The following PNPLA7 variants were observed in gnomAD, a reference collection of about 807,000 sequenced individuals.
PNPLA7 encodes patatin-like phospholipase domain-containing protein 7.
A neutral mutation model predicts 161.7 loss-of-function variants in PNPLA7; 153 were observed. The observed-to-expected ratio is 0.95, with a 90% CI of 0.83 to 1.08. PNPLA7 has a LOEUF of 1.08. PNPLA7 is among the 50% of genes least tolerant of loss of function. PNPLA7 has a pLI of 0.00. For missense variants in PNPLA7, 1,739 were observed against 1,856.6 expected (o/e 0.94, Z 1.16); for synonymous variants, 809 against 782.1 (o/e 1.03, Z -0.57).
At chr9:137,528,400 G>A (rs896030818) in intron 8 of PNPLA7, among the ~76,000 whole-genome samples, 11 of 149,528 alleles carry the variant, frequency 7.4e-5, no homozygotes, top group Admixed American at 2.0e-4. Context: ...TGGCACAGTC[G>A]TGGCTCACTG....
rs770724248 is a variant in PNPLA7 at position 137,461,535 on chromosome 9, C to T, written c.3841+1G>A. ...CGGCTTCGTCTTGCGCCTCCACTCA[C>T]CATCCACCATGGCGGGCTTGGCGGG... On this transcript the variant is annotated splice_donor_variant, in intron 33 of 34. Transcript: ENST00000406427. LOFTEE classifies it high-confidence loss of function. The T allele has an allele frequency of 1.2e-6, 2 of 1,611,806 alleles. No individual in the cohort carries two copies. The highest frequency in any genetic ancestry group is 2.2e-5 in the South Asian group (2 of 90,890).
Position 137,540,841 on chromosome 9 carries a change from G to A in PNPLA7, c.667-119C>T, listed in dbSNP as rs1055993279. ...CGGGCCTGCACCTCTGAGGCGCCAT[G>A]AGAGCAGCAGGCACCTTGGATGGAG... On this transcript the variant is annotated intron_variant, in intron 7 of 34. Transcript: ENST00000406427. The surrounding 1 kb of genome is among the most constrained non-coding windows in gnomAD (Gnocchi z 5.1). 1.3e-5 allele frequency: 11 copies of A among 826,598 alleles called. No homozygotes were observed. Among genetic ancestry groups the A allele is most frequent in the Non-Finnish European group, 2.0e-5 (10 of 506,918 alleles). 51.2% of individuals were successfully genotyped at this position (826,598 alleles called of 1,614,324 possible). A position where few individuals can be genotyped will look rare whatever the true frequency, so the allele number is the denominator to read the frequency against.
chr9:137,465,258 GAT>G (rs1260472105), intron 26 of PNPLA7, among the ~76,000 whole-genome samples: 1 of 152,200 alleles, frequency 6.6e-6, no homozygotes, highest in Non-Finnish European at 1.5e-5. Flanking sequence ...GGCTCACAGA[GAT>G]AAGCCAGACC....
intron 11 of PNPLA7, among the ~76,000 whole-genome samples, chr9:137,518,034 G>A (rs1356069722): frequency 1.0e-5 from 1 of 96,574 alleles, no homozygotes; most frequent in East Asian, 3.3e-4. Flanking sequence ...ACTCGACTCT[G>A]TCCACTCCAT....
rs113678431 is a variant in PNPLA7, at chr9:137,474,883, G to A, written c.2882+3151C>T. On this transcript the variant is annotated intron_variant, in intron 25 of 34. Transcript: ENST00000406427. The stretch of plus-strand genomic sequence containing the variant: ...AAAAAAAAAAAAAAATTAGCTGGGC[G>A]TGGTGGGGGCGCCTGTAGTCCCAGC... Among the ~76,000 whole-genome samples the A allele has an allele frequency of 8.6e-3, 1,293 of 150,372 alleles. 18 individuals are homozygous for A. The highest frequency in any genetic ancestry group is 0.03 in the African/African-American group (1,211 of 40,578).
In PNPLA7 at chr9:137,541,601, T is replaced by C. The variant is rs1363479972; in HGVS notation, c.667-879A>G. Reference sequence around the variant, plus strand: ...GCGTGCTTTAAATGAGAACAAGCAATGGGAAGTCTGGGTCGCAAACTGCCC... The same window carrying C: ...GCGTGCTTTAAATGAGAACAAGCAACGGGAAGTCTGGGTCGCAAACTGCCC... On this transcript the variant is annotated intron_variant, in intron 7 of 34. Coordinates refer to ENST00000406427, the MANE Select transcript of PNPLA7 (RefSeq NM_001098537.3). This position sits in a 1 kb window ranked among gnomAD's most constrained non-coding sequence, Gnocchi z 4.4. 2 of 567,622 alleles carry C rather than the reference T, an allele frequency of 3.5e-6. No individual in the cohort carries two copies. The highest frequency in any genetic ancestry group is 4.5e-6 in the Non-Finnish European group (2 of 448,062). The allele number at this position is 567,622 out of a possible 1,614,324, so 35.2% of individuals were successfully genotyped here.
chr9:137,504,176 AAGGAAGAAGGAAGAAGAAG>A (rs1405325421), intron 14 of PNPLA7, among the ~76,000 whole-genome samples: 11 of 146,086 alleles, frequency 7.5e-5, no homozygotes, highest in Non-Finnish European at 1.7e-4. Context: ...ACGGAAGAAG[AAGGAAGAAGGAAGAAGAAG>A]AGGAAGAAGA....
chr9:137,505,719 G>A lies in PNPLA7; in HGVS notation c.1368C>T (p.Val456=). 3.1e-6 allele frequency: 5 copies of A among 1,614,124 alleles called. No homozygotes were observed. Among genetic ancestry groups the A allele is most frequent in the Non-Finnish European group, 4.2e-6 (5 of 1,180,026 alleles). Residue 456 remains valine (V), a synonymous_variant, in exon 14 of 35, where the codon GTC becomes GTT. Coordinates refer to ENST00000406427, the MANE Select transcript of PNPLA7 (RefSeq NM_001098537.3). The part of the protein sequence containing the change: ...SVMVAEIPST[V]SQHSESHTDE... ...CCGTGTGACTCTCTGAGTGCTGGGAGACCGTGGAGGGTATCTCTGCAACCA... is the reference window on the plus strand; with the variant it reads ...CCGTGTGACTCTCTGAGTGCTGGGAAACCGTGGAGGGTATCTCTGCAACCA...
intron 4 of PNPLA7, among the ~76,000 whole-genome samples, chr9:137,546,038 TC>T (rs1039651020): frequency 4.6e-5 from 7 of 152,124 alleles, no homozygotes; most frequent in Non-Finnish European, 5.9e-5. Context: ...CCTAACCGTC[TC>T]CCTGTGATGC....
At chr9:137,506,429 C>A (rs1313147744) in intron 12 of PNPLA7, among the ~76,000 whole-genome samples, 1 of 152,246 alleles carries the variant, frequency 6.6e-6, no homozygotes, top group East Asian at 1.9e-4. Flanking sequence ...CACACCCTGA[C>A]GGCTCGCTGC....
chr9:137,501,626 GC>G lies in PNPLA7; in HGVS notation c.1551+23del, dbSNP rs137943045. The stretch of plus-strand genomic sequence containing the variant: ...GGCTATGGCATTGGGTGGTCCCAGT[GC>G]CCCCCCCCAGACCCCCGCTCACCTG... On this transcript the variant is annotated intron_variant, in intron 15 of 34. Transcript: ENST00000406427. 1.1e-3 allele frequency: 1,707 copies of G among 1,546,926 alleles called. 3 individuals are homozygous for G. Among genetic ancestry groups the G allele is most frequent in the African/African-American group, 7.3e-3 (535 of 72,998 alleles).
rs1374335943 is a variant in PNPLA7 at position 137,518,974 on chromosome 9, C to CTGCT, written c.1084+942_1084+943insAGCA. Among the ~76,000 whole-genome samples, 68 of 134,622 alleles carry CTGCT rather than the reference C, an allele frequency of 5.1e-4. 2 individuals are homozygous for CTGCT. Among genetic ancestry groups the CTGCT allele is most frequent in the Non-Finnish European group, 9.2e-4 (57 of 61,798 alleles). 88.3% of individuals were successfully genotyped at this position (134,622 alleles called of 152,430 possible). A position where few individuals can be genotyped will look rare whatever the true frequency, so the allele number is the denominator to read the frequency against. On this transcript the variant is annotated intron_variant, in intron 11 of 34. Coordinates refer to ENST00000406427, the MANE Select transcript of PNPLA7 (RefSeq NM_001098537.3). ...TCCTCACTCACTCACTCCACCCTAT[C>CTGCT]CACTCCATCCCCCACTCACTCACTC...
rs751548098 is a variant in PNPLA7 at position 137,505,998 on chromosome 9, G to A, written c.1311C>T (p.Ser437=). The change falls in exon 13 of 35, where the codon AGC becomes AGT. Residue 437 remains serine (S), a synonymous_variant. Coordinates refer to ENST00000406427, the MANE Select transcript of PNPLA7 (RefSeq NM_001098537.3). ...CAGGGCCTACCTTGCTGGCCACGGA[G>A]CTCCCGGGGTGCTCGTCCGAGTGCA... ...VFLHSDEHPG[S]SVASKSRKSV... 1 of 1,611,434 alleles carries A rather than the reference G, an allele frequency of 6.2e-7. No individual in the cohort carries two copies. The highest frequency in any genetic ancestry group is 2.2e-5 in the East Asian group (1 of 44,828).
At position 137,544,193 on chromosome 9, in the gene PNPLA7, C is replaced by T. The variant is rs150786745; in HGVS notation, c.274-378G>A. On this transcript the variant is annotated intron_variant, in intron 4 of 34. Coordinates refer to ENST00000406427, the MANE Select transcript of PNPLA7 (RefSeq NM_001098537.3). ...CCACTGTCCCCACCGACCTTCCCCC[C>T]CAACTTCCCCTCTGACCTGGGGCCA... 2.4e-3 allele frequency among the ~76,000 whole-genome samples: 359 copies of T among 152,386 alleles called. 2 individuals carry two copies. The highest frequency in any genetic ancestry group is 7.9e-3 in the African/African-American group (330 of 41,592).
chr9:137,460,574 C>G (rs1473868051), intron 34 of PNPLA7, 60 bp downstream of exon 34: 3 of 1,595,046 alleles, frequency 1.9e-6, no homozygotes, highest in Non-Finnish European at 2.6e-6. Flanking sequence ...GTGGCCGGCA[C>G]AGGGCCAGGC....
rs762551626 is a variant in PNPLA7, at chr9:137,524,682, C to T, written c.748-1825G>A. Among the ~76,000 whole-genome samples the T allele has an allele frequency of 5.2e-4, 79 of 152,202 alleles. No individual in the cohort carries two copies. Among genetic ancestry groups the T allele is most frequent in the Non-Finnish European group, 1.0e-3 (69 of 68,042 alleles). On this transcript the variant is annotated intron_variant, in intron 8 of 34. Transcript: ENST00000406427. The surrounding 1 kb of genome is among the most constrained non-coding windows in gnomAD (Gnocchi z 4.4). ...CTGCCGTGCTTTGCATTCTCACCAGCGGTGAGTGAGTTTCCATGGATGCCC... is the reference window on the plus strand; with the variant it reads ...CTGCCGTGCTTTGCATTCTCACCAGTGGTGAGTGAGTTTCCATGGATGCCC...
Position 137,468,014 on chromosome 9 carries a change from C to T in PNPLA7, c.2883-541G>A, listed in dbSNP as rs759098807. On this transcript the variant is annotated intron_variant, in intron 25 of 34. Coordinates refer to ENST00000406427, the MANE Select transcript of PNPLA7 (RefSeq NM_001098537.3). The surrounding 1 kb of genome is among the most constrained non-coding windows in gnomAD (Gnocchi z 4.0). ...GTCCTGAGAGTTGACCGGCATTGGCCTCTTCTACCCGGAAACACGGCTGCC... is the reference window on the plus strand; with the variant it reads ...GTCCTGAGAGTTGACCGGCATTGGCTTCTTCTACCCGGAAACACGGCTGCC... 6.6e-6 allele frequency among the ~76,000 whole-genome samples: 1 copy of T among 152,142 alleles called. No individual in the cohort carries two copies.
intron 8 of PNPLA7, among the ~76,000 whole-genome samples, chr9:137,527,138 G>A (rs565761140): frequency 3.0e-4 from 46 of 152,044 alleles, no homozygotes; most frequent in African/African-American, 9.9e-4. Flanking sequence ...GTGGTGGCAG[G>A]TGCCTGTAGT....
rs867636633 is a variant in PNPLA7 at position 137,460,452 on chromosome 9, G to A, written c.3970C>T (p.Arg1324Ter). The stretch of plus-strand genomic sequence containing the variant: ...TTTGGGAAAGCCAGACTGGGGTGTC[G>A]ATGCCGCAGTGAGGACTCGTCCTCC... ...DLEDESSLRH[R>*]HPSLAFPKLS... Residue 1324 changes from arginine (R) to a stop codon, truncating the protein, a stop_gained, in exon 35 of 35, where the codon CGA (arginine) becomes TGA (stop). Coordinates refer to ENST00000406427, the MANE Select transcript of PNPLA7 (RefSeq NM_001098537.3). LOFTEE classifies it low-confidence loss of function (END_TRUNC). 1 of 1,612,642 alleles carries A rather than the reference G, an allele frequency of 6.2e-7. No individual in the cohort carries two copies. Among genetic ancestry groups the A allele is most frequent in the Non-Finnish European group, 8.5e-7 (1 of 1,179,920 alleles).
Sources: allele counts gnomAD v4.1 joint callset (sites outside exome capture counted in the v4.1 genomes callset), GRCh38; gene constraint gnomAD v4.1.1; non-coding constraint Gnocchi (gnomAD v3.1); transcripts MANE v1.5; gene names NCBI Gene and HGNC (gene_info 2026-07-23, HGNC 2026-07-21).